The following GRIK5 variants were observed in gnomAD, a reference collection of about 807,000 sequenced individuals.
GRIK5 encodes glutamate ionotropic receptor kainate type subunit 5.
Under a neutral mutation model 97.4 loss-of-function variants are expected in GRIK5, and 43 were observed. That is an observed-to-expected ratio of 0.44 (90% CI 0.35 to 0.57). GRIK5 has a LOEUF of 0.57. GRIK5 is among the 20% of genes least tolerant of loss of function. The pLI is 0.01. For missense variants in GRIK5, 1,015 were observed against 1,382.0 expected (o/e 0.73, Z 4.21); for synonymous variants, 580 against 583.5 (o/e 0.99, Z 0.09).
intron 1 of GRIK5, among the ~76,000 whole-genome samples, chr19:42,066,175 T>G (rs930416120): frequency 6.6e-6 from 1 of 151,764 alleles, no homozygotes; most frequent in South Asian, 2.1e-4. Context: ...AACCAGGAAG[T>G]GCCACCCCCC....
intron 11 of GRIK5, among the ~76,000 whole-genome samples, chr19:42,052,723 C>G (rs2076132872): frequency 6.6e-6 from 1 of 152,066 alleles, no homozygotes; most frequent in Non-Finnish European, 1.5e-5. Context: ...GTCCAGCCTC[C>G]AGGCCAGCCG....
At chr19:42,009,639 A>G (rs145806716) in intron 15 of GRIK5, among the ~76,000 whole-genome samples, 235 of 151,894 alleles carry the variant, frequency 1.5e-3, no homozygotes, top group Admixed American at 2.8e-3. Flanking sequence ...GTGGTGGTGC[A>G]TGCCTGTAAT....
chr19:42,053,743 C>T (rs2076145563), intron 10 of GRIK5, 34 bp from the exon 11 acceptor site: 1 of 1,535,178 alleles, frequency 6.5e-7, no homozygotes, highest in South Asian at 1.1e-5. Context: ...CAGCTCAGGC[C>T]CTGCCTGAGG....
rs1453696961 is a variant in GRIK5, at chr19:42,006,950, G to C, written c.1872-140C>G. On this transcript the variant is annotated intron_variant, in intron 15 of 19. Coordinates refer to ENST00000593562, the MANE Select transcript of GRIK5 (RefSeq NM_002088.5). The surrounding 1 kb of genome is among the most constrained non-coding windows in gnomAD (Gnocchi z 5.3). The stretch of plus-strand genomic sequence containing the variant: ...CAGTGACTGCTGGGTGCAGAAGCGG[G>C]GAGTGTGGATTCTGAAGCCAGACTT... The C allele has an allele frequency of 1.6e-6, 1 of 607,604 alleles. No individual in the cohort carries two copies. Among genetic ancestry groups the C allele is most frequent in the African/African-American group, 1.9e-5 (1 of 53,706 alleles). 37.6% of individuals were successfully genotyped at this position (607,604 alleles called of 1,614,324 possible). A position where few individuals can be genotyped will look rare whatever the true frequency, so the allele number is the denominator to read the frequency against.
intron 9 of GRIK5, 38 bp downstream of exon 9, chr19:42,054,281 CG>C (rs1453245499): frequency 6.3e-7 from 1 of 1,582,022 alleles, no homozygotes. Flanking sequence ...CTGAGGTGGC[CG>C]TGTCCTGCCT....
intron 11 of GRIK5, among the ~76,000 whole-genome samples, chr19:42,050,274 G>A (rs1050699455): frequency 3.9e-5 from 6 of 152,110 alleles, no homozygotes; most frequent in African/African-American, 1.2e-4. Context: ...AGGAAACTGA[G>A]TATAGAGAGA....
At chr19:42,059,657 G>A in intron 5 of GRIK5, 130 bp from the exon 6 acceptor site, 1 of 707,996 alleles carries the variant, frequency 1.4e-6, no homozygotes, top group Non-Finnish European at 2.3e-6. Flanking sequence ...GGGGCAGCTG[G>A]GTCCCATGGG....
chr19:42,054,491 G>C lies in GRIK5; in HGVS notation c.904-19C>G, dbSNP rs539086355. On this transcript the variant is annotated intron_variant, in intron 8 of 19. Transcript: ENST00000593562. ...CTGACAGCTGCGGTGGGACAGAGGC[G>C]GGGGTGGGATGGATAAGAGGCTGCC... 1.9e-6 allele frequency: 3 copies of C among 1,608,274 alleles called. No individual in the cohort carries two copies. The highest frequency in any genetic ancestry group is 1.7e-4 in the Middle Eastern group (1 of 6,054).
intron 12 of GRIK5, among the ~76,000 whole-genome samples, chr19:42,034,222 G>A (rs373901686): frequency 7.2e-5 from 11 of 152,044 alleles, no homozygotes; most frequent in Admixed American, 5.2e-4. Context: ...CCAGCCAGGC[G>A]TGATGGAGCG....
At chr19:42,019,556 T>C (rs1011919099) in intron 15 of GRIK5, among the ~76,000 whole-genome samples, 1 of 152,228 alleles carries the variant, frequency 6.6e-6, no homozygotes, top group African/African-American at 2.4e-5. Context: ...CATGAAGATG[T>C]GACCTTACTC....
Position 42,062,586 on chromosome 19 carries a change from C to T in GRIK5, c.410G>A (p.Ser137Asn), listed in dbSNP as rs1568931459. The change falls in exon 5 of 20, where the codon AGC (serine) becomes AAC (asparagine). Residue 137 changes from serine (S) to asparagine (N), a missense_variant. Transcript: ENST00000593562. This position sits in a 1 kb window ranked among gnomAD's most constrained non-coding sequence, Gnocchi z 5.3. The stretch of plus-strand genomic sequence containing the variant: ...GACGTCCTCGTTACTGGGGTACAGG[C>T]TGACAGACGCGAAGCGAAGGTACTG... ...RLQYLRFASV[S>N]LYPSNEDVSL... 1 of 1,614,220 alleles carries T rather than the reference C, an allele frequency of 6.2e-7. No homozygotes were observed. Among genetic ancestry groups the T allele is most frequent in the Non-Finnish European group, 8.5e-7 (1 of 1,180,034 alleles).
chr19:42,005,967 AG>A lies in GRIK5; in HGVS notation c.2038-20del. ...GTGAATTCTGGGCAGGAGGATCACA[AG>A]GGGAAGATGGGAGGGTCTTTCCAGC... On this transcript the variant is annotated intron_variant, in intron 16 of 19. Coordinates refer to ENST00000593562, the MANE Select transcript of GRIK5 (RefSeq NM_002088.5). The A allele has an allele frequency of 7.8e-7, 1 of 1,274,766 alleles. No homozygotes were observed. Among genetic ancestry groups the A allele is most frequent in the African/African-American group, 1.5e-5 (1 of 68,412 alleles). The allele number at this position is 1,274,766 out of a possible 1,614,324, so 79.0% of individuals were successfully genotyped here. A position where few individuals can be genotyped will look rare whatever the true frequency, so the allele number is the denominator to read the frequency against.
intron 12 of GRIK5, among the ~76,000 whole-genome samples, chr19:42,029,703 A>G (rs1345717253): frequency 6.6e-6 from 1 of 152,214 alleles, no homozygotes; most frequent in Non-Finnish European, 1.5e-5. Flanking sequence ...TCTGCTGGTT[A>G]CATCTGGCCC....
Position 42,054,312 on chromosome 19 carries a change from G to A in GRIK5, c.1056+8C>T, listed in dbSNP as rs778770461. The A allele has an allele frequency of 1.6e-5, 26 of 1,602,050 alleles. No homozygotes were observed. The East Asian group carries it at 3.8e-4, about 24-fold the overall frequency. On this transcript the variant is annotated splice_region_variant and intron_variant, in intron 9 of 19. Transcript: ENST00000593562. ...CTGCCTCCTCCACCCATCCCCGCTCGGGCTCACCATGCGCAGGTAGTTCAT... is the reference window on the plus strand; with the variant it reads ...CTGCCTCCTCCACCCATCCCCGCTCAGGCTCACCATGCGCAGGTAGTTCAT...
In GRIK5 at chr19:42,021,581, G is replaced by C; in HGVS notation, c.1698-107C>G. ...TGATCAGAAGAAAGGGGGAGAGATG[G>C]AAAAAGGAGCAAGATGGACAGAAGC... is the stretch of plus-strand genomic sequence containing the variant. On this transcript the variant is annotated intron_variant, in intron 14 of 19. Coordinates refer to ENST00000593562, the MANE Select transcript of GRIK5 (RefSeq NM_002088.5). The surrounding 1 kb of genome is among the most constrained non-coding windows in gnomAD (Gnocchi z 4.2). 1.1e-6 allele frequency: 1 copy of C among 884,670 alleles called. No individual in the cohort carries two copies. Among genetic ancestry groups the C allele is most frequent in the South Asian group, 1.8e-5 (1 of 54,256 alleles). The allele number at this position is 884,670 out of a possible 1,614,324, so 54.8% of individuals were successfully genotyped here. A position where few individuals can be genotyped will look rare whatever the true frequency, so the allele number is the denominator to read the frequency against.
rs2146018289 is a variant in GRIK5, at chr19:42,006,613, A to G, written c.2037+32T>C. Reference sequence around the variant, plus strand: ...GCTGCTTTGCATGGCAGGGATCCCAACACCACGCCTGAGAGGTTCTGGTGG... The same window carrying G: ...GCTGCTTTGCATGGCAGGGATCCCAGCACCACGCCTGAGAGGTTCTGGTGG... On this transcript the variant is annotated intron_variant, in intron 16 of 19. Coordinates refer to ENST00000593562, the MANE Select transcript of GRIK5 (RefSeq NM_002088.5). This position sits in a 1 kb window ranked among gnomAD's most constrained non-coding sequence, Gnocchi z 5.3. 1 of 1,605,038 alleles carries G rather than the reference A, an allele frequency of 6.2e-7. No individual in the cohort carries two copies. Among genetic ancestry groups the G allele is most frequent in the Non-Finnish European group, 8.5e-7 (1 of 1,172,696 alleles).
intron 15 of GRIK5, among the ~76,000 whole-genome samples, chr19:42,016,206 G>C (rs1429701998): frequency 6.6e-6 from 1 of 152,142 alleles, no homozygotes; most frequent in Non-Finnish European, 1.5e-5. Flanking sequence ...GATCATCTGA[G>C]GTCAGGAGTT....
intron 3 of GRIK5, among the ~76,000 whole-genome samples, chr19:42,064,401 C>T (rs994032705): frequency 2.0e-5 from 3 of 152,062 alleles, no homozygotes; most frequent in Non-Finnish European, 4.4e-5. Flanking sequence ...CAGGTGGATT[C>T]AGGATGGGCT....
chr19:42,001,061 A>T (rs1482734201), intron 19 of GRIK5, among the ~76,000 whole-genome samples: 1 of 151,672 alleles, frequency 6.6e-6, no homozygotes, highest in Non-Finnish European at 1.5e-5. Flanking sequence ...CCCTTTACCT[A>T]ACTCTCACAT....
Sources: gnomAD v4.1 joint callset for allele counts (sites outside exome capture counted in the v4.1 genomes callset) on GRCh38, gnomAD v4.1.1 for gene constraint, Gnocchi (gnomAD v3.1) non-coding constraint, MANE v1.5 for transcripts, NCBI Gene and HGNC (gene_info 2026-07-23, HGNC 2026-07-21) for gene names.